The following STOX2 variants were observed in gnomAD, a reference collection of about 807,000 sequenced individuals.
The protein encoded by STOX2 is storkhead box 2.
In STOX2, 28 loss-of-function variants were observed where a neutral mutation model predicts 60.9. The ratio of observed to expected loss-of-function variants is 0.46; its 90% CI spans 0.34 to 0.63. The LOEUF is 0.63. STOX2 is among the 30% of genes least tolerant of loss of function. The pLI is 0.01. For synonymous variants in STOX2, 472 were observed against 463.9 expected (o/e 1.02, Z -0.22); for missense variants, 1,024 against 1,187.7 (o/e 0.86, Z 2.03).
At chr4:183,855,383 G>T (rs981773688) in intron 1 of STOX2, among the ~76,000 whole-genome samples, 1 of 152,152 alleles carries the variant, frequency 6.6e-6, no homozygotes, top group African/African-American at 2.4e-5. Context: ...GAAAGGGGCC[G>T]TGAGCCTTTC....
At chr4:183,819,531 C>T (rs926850276) in intron 1 of STOX2, among the ~76,000 whole-genome samples, 6 of 127,334 alleles carry the variant, frequency 4.7e-5, no homozygotes, top group African/African-American at 8.8e-5. Context: ...AGAGGGAGAC[C>T]GTGGAAAGAG....
Position 183,836,251 on chromosome 4 carries a change from T to A in STOX2, c.364+38196T>A, listed in dbSNP as rs1477604800. 6.6e-6 allele frequency among the ~76,000 whole-genome samples: 1 copy of A among 152,192 alleles called. No homozygotes were observed. The highest frequency in any genetic ancestry group is 1.5e-5 in the Non-Finnish European group (1 of 68,032). On this transcript the variant is annotated intron_variant, in intron 1 of 2. Transcript: ENST00000513034. The surrounding 1 kb of genome is among the most constrained non-coding windows in gnomAD (Gnocchi z 4.1). ...TGTTTGGACTCTCCTTCTCCTGGCT[T>A]GTGGAGATTGCTTTATCCTCTGAGG...
At chr4:183,894,715 T>A (rs1184157199) in intron 1 of STOX2, among the ~76,000 whole-genome samples, 1 of 152,190 alleles carries the variant, frequency 6.6e-6, no homozygotes, top group Non-Finnish European at 1.5e-5. Flanking sequence ...CCATCTGTGT[T>A]ATAGTGTGGT....
chr4:183,807,225 G>A (rs958533426), intron 1 of STOX2, among the ~76,000 whole-genome samples: 2 of 152,194 alleles, frequency 1.3e-5, no homozygotes, highest in Non-Finnish European at 2.9e-5. Flanking sequence ...GCCCGTCTTG[G>A]CCTCCCAAAG....
At chr4:183,841,284 A>G (rs1455424971) in intron 1 of STOX2, among the ~76,000 whole-genome samples, 1 of 151,132 alleles carries the variant, frequency 6.6e-6, no homozygotes, top group East Asian at 1.9e-4. Flanking sequence ...CTTACTGGAG[A>G]CTTAGCTTCC....
Position 183,932,330 on chromosome 4 carries a change from ACATACAGTATATGTATG to A in STOX2, c.166+25375_166+25391del, listed in dbSNP as rs1560889706. Reference sequence around the variant, plus strand: ...GTATACATACAGTATATGTATGTATACATACAGTATATGTATGTATACATACAGTATATGTATGTATA... The same window carrying A: ...GTATACATACAGTATATGTATGTATATATACATACAGTATATGTATGTATA... On this transcript the variant is annotated intron_variant, in intron 1 of 3. Coordinates refer to ENST00000308497, the MANE Select transcript of STOX2 (RefSeq NM_020225.3). Among the ~76,000 whole-genome samples the A allele has an allele frequency of 6.5e-4, 34 of 51,976 alleles. 1 individual carries two copies. The highest frequency in any genetic ancestry group is 2.2e-3 in the Non-Finnish European group (30 of 13,568). The allele number at this position is 51,976 out of a possible 152,430, so 34.1% of individuals were successfully genotyped here.
At chr4:183,942,836 G>C (rs75514809) in intron 1 of STOX2, among the ~76,000 whole-genome samples, 7 of 152,052 alleles carry the variant, frequency 4.6e-5, no homozygotes, top group Admixed American at 1.3e-4. Context: ...CAATTCTTAC[G>C]GCTCTGAAAT....
chr4:183,803,879 C>A (rs1440596469), intron 1 of STOX2, among the ~76,000 whole-genome samples: 2 of 152,118 alleles, frequency 1.3e-5, no homozygotes, highest in African/African-American at 2.4e-5. Context: ...AGGAGAATCG[C>A]TTGAACCTGG....
At chr4:183,862,587 C>T (rs1183055569) in intron 1 of STOX2, among the ~76,000 whole-genome samples, 1 of 152,222 alleles carries the variant, frequency 6.6e-6, no homozygotes, top group Admixed American at 6.5e-5. Context: ...CAGGGAGGAG[C>T]TGTCCATGGG....
intron 1 of STOX2, among the ~76,000 whole-genome samples, chr4:183,998,559 A>G (rs1733447248): frequency 6.6e-6 from 1 of 152,178 alleles, no homozygotes; most frequent in Admixed American, 6.5e-5. Flanking sequence ...TTATTGATTT[A>G]GAGACAGGGT....
intron 1 of STOX2, among the ~76,000 whole-genome samples, chr4:183,816,208 T>C (rs567436177): frequency 1.3e-5 from 2 of 152,340 alleles, no homozygotes; most frequent in African/African-American, 2.4e-5. Flanking sequence ...CAGTTAGCCT[T>C]AGTCATAAAA....
chr4:183,961,954 C>A (rs1224734418), intron 1 of STOX2, among the ~76,000 whole-genome samples: 2 of 152,216 alleles, frequency 1.3e-5, no homozygotes, highest in Non-Finnish European at 2.9e-5. Flanking sequence ...TTGAAGTGGG[C>A]TGGAGTCCTT....
chr4:183,850,593 G>T (rs533451348), intron 1 of STOX2, among the ~76,000 whole-genome samples: 1 of 152,058 alleles, frequency 6.6e-6, no homozygotes, highest in Non-Finnish European at 1.5e-5. Flanking sequence ...GCTGGGCTTG[G>T]TGGCAGGTGC....
rs771721670 is a variant in STOX2 at position 184,011,421 on chromosome 4, A to G, written c.2583A>G (p.Pro861=). ...CAGTGGACAGTGGATTCAACTCCCCACGGTAGGGAGAGGTGTCTCTGTGCA... is the reference window on the plus strand; with the variant it reads ...CAGTGGACAGTGGATTCAACTCCCCGCGGTAGGGAGAGGTGTCTCTGTGCA... ...SITVDSGFNS[P]RTRESLASNT... The change falls in exon 3 of 4, where the codon CCA becomes CCG. Residue 861 remains proline, a splice_region_variant and synonymous_variant. Transcript: ENST00000308497. This position sits in a 1 kb window ranked among gnomAD's most constrained non-coding sequence, Gnocchi z 4.4. The G allele has an allele frequency of 1.2e-6, 2 of 1,609,066 alleles. No individual in the cohort carries two copies. Among genetic ancestry groups the G allele is most frequent in the Admixed American group, 3.4e-5 (2 of 59,400 alleles).
In STOX2 at chr4:183,906,538, T is replaced by A; in HGVS notation, c.-253T>A. ...TTTCCCCCCAGGAATCTGGAAGCTA[T>A]AAGCCGGGCGGATTGCAAATGAAGT... On this transcript the variant is annotated 5_prime_UTR_variant, in exon 1 of 4. Coordinates refer to ENST00000308497, the MANE Select transcript of STOX2 (RefSeq NM_020225.3). The A allele has an allele frequency of 4.3e-6, 1 of 234,236 alleles. No homozygotes were observed. Among genetic ancestry groups the A allele is most frequent in the Non-Finnish European group, 8.2e-6 (1 of 121,656 alleles). The allele number at this position is 234,236 out of a possible 1,614,324, so 14.5% of individuals were successfully genotyped here.
chr4:183,970,171 TGTGTGTGTGTGG>T (rs1337371381), intron 1 of STOX2, among the ~76,000 whole-genome samples: 5 of 150,202 alleles, frequency 3.3e-5, no homozygotes, highest in East Asian at 3.9e-4. Context: ...TGTGTGTGTG[TGTGTGTGTGTGG>T]GGTTCCAGCT....
intron 3 of STOX2, chr4:184,015,046 C>T (rs996572339): frequency 2.6e-5 from 4 of 152,164 alleles, no homozygotes; most frequent in Non-Finnish European, 5.9e-5. Context: ...GCTAGGTATA[C>T]AATGAAATAA....
chr4:183,875,746 G>T (rs1462094059), intron 1 of STOX2, among the ~76,000 whole-genome samples: 2 of 152,202 alleles, frequency 1.3e-5, no homozygotes, highest in African/African-American at 4.8e-5. Flanking sequence ...TATTGTTGTT[G>T]CTATTATTGG....
rs527893753 is a variant in STOX2, at chr4:183,803,530, G to A, written c.364+5475G>A. Among the ~76,000 whole-genome samples, 6 of 152,300 alleles carry A rather than the reference G, an allele frequency of 3.9e-5. No individual in the cohort carries two copies. The South Asian group carries it at 1.2e-3, about 32-fold the overall frequency. On this transcript the variant is annotated intron_variant, in intron 1 of 2. Transcript: ENST00000513034. ...CAATTGTTTTAAAGCCTTTTAAATT[G>A]TAGATATTGATTCATTCAGTGACTA...
Sources: allele counts gnomAD v4.1 joint callset (sites outside exome capture counted in the v4.1 genomes callset), GRCh38; gene constraint gnomAD v4.1.1; non-coding constraint Gnocchi (gnomAD v3.1); transcripts MANE v1.5; gene names NCBI Gene and HGNC (gene_info 2026-07-23, HGNC 2026-07-21).